The following CD33 variants were observed in gnomAD, a reference collection of about 807,000 sequenced individuals.
CD33 encodes myeloid cell surface antigen CD33.
Under a neutral mutation model 31.4 loss-of-function variants are expected in CD33, and 25 were observed. The ratio of observed to expected loss-of-function variants is 0.80; its 90% CI spans 0.58 to 1.11. The LOEUF is 1.11. Ranked by LOEUF, CD33 falls within the 50% of genes most tolerant of loss-of-function variation. The pLI, the probability that CD33 is intolerant of heterozygous loss-of-function variation, is 0.00. For synonymous variants in CD33, 176 were observed against 180.6 expected (o/e 0.97, Z 0.20); for missense variants, 407 against 448.1 (o/e 0.91, Z 0.83).
At chr19:51,231,309 C>A (rs1018304109) in intron 4 of CD33, among the ~76,000 whole-genome samples, 6 of 152,220 alleles carry the variant, frequency 3.9e-5, no homozygotes, top group Admixed American at 6.5e-5. Flanking sequence ...CTAGCGTCGG[C>A]CCCCTGGACT....
upstream of CD33, among the ~76,000 whole-genome samples, chr19:51,222,776 C>T (rs1337832532): frequency 1.3e-5 from 2 of 152,154 alleles, no homozygotes; most frequent in African/African-American, 4.8e-5. Flanking sequence ...ACATACTCGT[C>T]AAATCTCATG....
chr19:51,229,282 G>A (rs1341487038), intron 4 of CD33, among the ~76,000 whole-genome samples: 1 of 152,048 alleles, frequency 6.6e-6, no homozygotes, highest in Non-Finnish European at 1.5e-5. Flanking sequence ...TGTATTGTTG[G>A]ATTTGATTTG....
At chr19:51,230,219 T>C (rs547828362) in intron 4 of CD33, among the ~76,000 whole-genome samples, 1 of 139,848 alleles carries the variant, frequency 7.2e-6, no homozygotes, top group East Asian at 2.1e-4. Context: ...TCAATTGTAG[T>C]CAAATAAGAT....
At position 51,225,452 on chromosome 19, in the gene CD33, G is replaced by T. The variant is rs555362730; in HGVS notation, c.272G>T (p.Arg91Leu). ...CAGGAGGAGACTCAGGGCAGATTCC[G>T]CCTCCTTGGGGATCCCAGTAGGAAC... The part of the protein sequence containing the change: ...EVQEETQGRF[R>L]LLGDPSRNNC... The change falls in exon 2 of 7, where the codon CGC becomes CTC. Residue 91 changes from arginine (R) to leucine (L), a missense_variant. Coordinates refer to ENST00000262262, the MANE Select transcript of CD33 (RefSeq NM_001772.4). 1 of 1,614,062 alleles carries T rather than the reference G, an allele frequency of 6.2e-7. No homozygotes were observed. Among genetic ancestry groups the T allele is most frequent in the South Asian group, 1.1e-5 (1 of 91,068 alleles).
chr19:51,226,276 C>G (rs952089213), intron 3 of CD33, 33 bp from the exon 4 acceptor site: 4 of 1,606,446 alleles, frequency 2.5e-6, no homozygotes, highest in South Asian at 1.1e-5. Flanking sequence ...ATCTCTACCC[C>G]CAACTGAAGG....
rs763926051 is a variant in CD33, at chr19:51,239,572, G to T, written c.979G>T (p.Gly327Cys). 6.2e-7 allele frequency: 1 copy of T among 1,613,494 alleles called. No homozygotes were observed. Among genetic ancestry groups the T allele is most frequent in the Admixed American group, 1.7e-5 (1 of 59,926 alleles). ...CCCCACTGAAACCTCAAGCTGTTCA[G>T]GTGCCGCCCCTACTGTGGAGATGGA... Reference protein sequence around the residue: ...HGPTETSSCSGAAPTVEMDEE... With the variant: ...HGPTETSSCSCAAPTVEMDEE... The change falls in exon 7 of 7, where the codon GGT becomes TGT. Residue 327 changes from glycine (G) to cysteine (C), a missense_variant. Transcript: ENST00000262262.
chr19:51,236,755 C>G (rs1358116033), intron 6 of CD33: 1 of 152,376 alleles, frequency 6.6e-6, no homozygotes, highest in Non-Finnish European at 1.5e-5. Flanking sequence ...CTTCCTGTGC[C>G]AGTATGCTAC....
chr19:51,226,400 T>G, intron 4 of CD33, 44 bp downstream of exon 4: 1 of 1,569,790 alleles, frequency 6.4e-7, no homozygotes, highest in Non-Finnish European at 8.8e-7. Flanking sequence ...TGACATTGAG[T>G]CTGTGTCAGG....
chr19:51,229,984 T>G (rs1434038912), intron 4 of CD33, among the ~76,000 whole-genome samples: 1 of 152,176 alleles, frequency 6.6e-6, no homozygotes, highest in Non-Finnish European at 1.5e-5. Context: ...TTTGTCTAAT[T>G]GTTTGATGTA....
chr19:51,236,023 T>C (rs1981777500), intron 6 of CD33: 2 of 566,838 alleles, frequency 3.5e-6, no homozygotes. Context: ...CCAGATGTGG[T>C]GGCTGGCGCC....
At chr19:51,234,370 GA>G (rs1292152161) in intron 4 of CD33, among the ~76,000 whole-genome samples, 1 of 152,126 alleles carries the variant, frequency 6.6e-6, no homozygotes, top group Non-Finnish European at 1.5e-5. Context: ...ATAATGACAT[GA>G]ATCCACCATG....
chr19:51,234,866 G>A (rs2123292351), intron 4 of CD33, among the ~76,000 whole-genome samples: 1 of 152,290 alleles, frequency 6.6e-6, no homozygotes, highest in South Asian at 2.1e-4. Context: ...CAGTCCTTCA[G>A]GGGCTATGTC....
chr19:51,217,257 A>G, the CD33 span, among the ~76,000 whole-genome samples: 2 of 152,028 alleles, frequency 1.3e-5, no homozygotes, highest in African/African-American at 4.8e-5. Flanking sequence ...GTGTTTTTGG[A>G]TGTATTTGGA....
intron 4 of CD33, among the ~76,000 whole-genome samples, chr19:51,229,487 AG>A (rs1322688729): frequency 6.6e-6 from 1 of 152,026 alleles, no homozygotes; most frequent in Admixed American, 6.6e-5. Context: ...TTTTCTTTAA[AG>A]GTTCAGTAAA....
the CD33 span, among the ~76,000 whole-genome samples, chr19:51,214,192 C>T: frequency 1.3e-3 from 140 of 110,236 alleles, no homozygotes; most frequent in Middle Eastern, 0.015. Flanking sequence ...TTTTTTGTTT[C>T]TTTTCTTTCT....
chr19:51,232,769 T>C (rs920760503), intron 4 of CD33, among the ~76,000 whole-genome samples: 2 of 152,162 alleles, frequency 1.3e-5, no homozygotes, highest in Non-Finnish European at 2.9e-5. Context: ...AATATCTATC[T>C]CTCTGTTAAA....
At chr19:51,233,029 G>A (rs1473139141) in intron 4 of CD33, among the ~76,000 whole-genome samples, 1 of 152,198 alleles carries the variant, frequency 6.6e-6, no homozygotes, top group African/African-American at 2.4e-5. Context: ...TAGCCCATGG[G>A]GCTGTTTCTC....
intron 2 of CD33, 64 bp from the exon 3 acceptor site, chr19:51,225,739 C>G (rs1181673323): frequency 6.4e-7 from 1 of 1,558,784 alleles, no homozygotes; most frequent in Non-Finnish European, 8.7e-7. Flanking sequence ...AGAGGTTGAT[C>G]TTCTCTCAGG....
chr19:51,222,898 G>A (rs373879435), upstream of CD33, among the ~76,000 whole-genome samples: 43 of 152,250 alleles, frequency 2.8e-4, no homozygotes, highest in East Asian at 5.2e-3. Flanking sequence ...TCTGGTCCAT[G>A]AACATAGTAT....
Sources: gnomAD v4.1 joint callset for allele counts (sites outside exome capture counted in the v4.1 genomes callset) on GRCh38, gnomAD v4.1.1 for gene constraint, MANE v1.5 for transcripts, NCBI Gene and HGNC (gene_info 2026-07-23, HGNC 2026-07-21) for gene names.